The following GRIN2D variants were observed in gnomAD, a reference collection of about 807,000 sequenced individuals.
GRIN2D encodes glutamate receptor ionotropic, NMDA 2D.
In GRIN2D, 37 loss-of-function variants were observed where a neutral mutation model predicts 103.2. The ratio of observed to expected loss-of-function variants is 0.36; its 90% CI spans 0.28 to 0.47. GRIN2D has a LOEUF of 0.47. Among genes scored for constraint, GRIN2D ranks in the 20% least tolerant of loss-of-function variants. The pLI is 1.00. For synonymous variants in GRIN2D, 845 were observed against 885.6 expected (o/e 0.95, Z 0.81); for missense variants, 1,557 against 1,910.6 (o/e 0.81, Z 3.45).
In GRIN2D at chr19:48,419,370, C is replaced by T. The variant is rs1970987428; in HGVS notation, c.1861+11C>T. 5 of 1,593,540 alleles carry T rather than the reference C, an allele frequency of 3.1e-6. No individual in the cohort carries two copies. The highest frequency in any genetic ancestry group is 4.3e-6 in the Non-Finnish European group (5 of 1,175,366). On this transcript the variant is annotated intron_variant, in intron 9 of 13. Transcript: ENST00000263269. ...TGGCCACGGGCAAGCGTGAGTCCCC[C>T]TTCCTCCATCCCCCGCCTCGGAGAT...
intron 11 of GRIN2D, among the ~76,000 whole-genome samples, chr19:48,440,366 G>A (rs1971277159): frequency 6.6e-6 from 1 of 152,020 alleles, no homozygotes; most frequent in Non-Finnish European, 1.5e-5. Flanking sequence ...GCCAAGGCGG[G>A]AAGATCACTT....
At chr19:48,411,389 C>T (rs929597133) in intron 4 of GRIN2D, among the ~76,000 whole-genome samples, 2 of 151,230 alleles carry the variant, frequency 1.3e-5, no homozygotes, top group Admixed American at 1.3e-4. Flanking sequence ...TGGTGGCTCA[C>T]GCCTGTAATC....
chr19:48,441,253 C>T (rs1259906283), intron 11 of GRIN2D, among the ~76,000 whole-genome samples: 1 of 150,446 alleles, frequency 6.6e-6, no homozygotes, highest in African/African-American at 2.5e-5. Context: ...ATCCCAGCTA[C>T]TTGGGAGGCT....
chr19:48,404,064 A>AC (rs1970750123), intron 3 of GRIN2D, among the ~76,000 whole-genome samples: 3 of 152,160 alleles, frequency 2.0e-5, no homozygotes, highest in African/African-American at 7.2e-5. Flanking sequence ...ACATGGAGAA[A>AC]ACCCGTCTCT....
intron 8 of GRIN2D, among the ~76,000 whole-genome samples, chr19:48,419,028 GTTTT>G (rs1174896124): frequency 6.6e-6 from 1 of 151,306 alleles, no homozygotes; most frequent in Non-Finnish European, 1.5e-5. Flanking sequence ...GTACCCTAGG[GTTTT>G]TTTTCTTTCT....
At chr19:48,430,977 G>A (rs572518442) in intron 11 of GRIN2D, among the ~76,000 whole-genome samples, 1 of 151,870 alleles carries the variant, frequency 6.6e-6, no homozygotes, top group East Asian at 1.9e-4. Context: ...GCACCACCAC[G>A]CCCAGCTAAT....
intron 3 of GRIN2D, among the ~76,000 whole-genome samples, chr19:48,403,808 C>G (rs1398531759): frequency 6.6e-6 from 1 of 152,214 alleles, no homozygotes; most frequent in East Asian, 1.9e-4. Flanking sequence ...TTCAGGGAAC[C>G]AGTCCCTCTC....
chr19:48,410,685 A>C (rs1002507727), intron 4 of GRIN2D, among the ~76,000 whole-genome samples: 3 of 152,036 alleles, frequency 2.0e-5, no homozygotes, highest in African/African-American at 7.2e-5. Context: ...GGGTATAGAA[A>C]GACGCCTCTG....
chr19:48,441,669 G>T, intron 11 of GRIN2D, 100 bp from the exon 12 acceptor site: 1 of 909,520 alleles, frequency 1.1e-6, no homozygotes, highest in Non-Finnish European at 1.7e-6. Flanking sequence ...GGCCAGTTAG[G>T]ATTTGGAGCA....
intron 11 of GRIN2D, among the ~76,000 whole-genome samples, chr19:48,422,829 C>T (rs1015737792): frequency 6.6e-5 from 10 of 152,086 alleles, no homozygotes; most frequent in Admixed American, 3.3e-4. Flanking sequence ...CAGTAGCTCA[C>T]GCCTATAATC....
chr19:48,402,488 C>T (rs933503197), intron 3 of GRIN2D, among the ~76,000 whole-genome samples: 23 of 151,806 alleles, frequency 1.5e-4, no homozygotes, highest in African/African-American at 3.9e-4. Context: ...GAGGCCGAGG[C>T]GGGTGGATCA....
chr19:48,429,906 C>T (rs2147464948), intron 11 of GRIN2D, among the ~76,000 whole-genome samples: 3 of 152,214 alleles, frequency 2.0e-5, no homozygotes, highest in Middle Eastern at 6.8e-3. Context: ...TTTCTCTCAG[C>T]CCAGAGGAAT....
At chr19:48,399,257 A>C (rs139398337) in intron 3 of GRIN2D, among the ~76,000 whole-genome samples, 1,918 of 152,296 alleles carry the variant, frequency 0.013, 45 homozygotes, top group African/African-American at 0.044. Context: ...GGATCAGCAC[A>C]GGAAGAAGTC....
chr19:48,442,734 G>A lies in GRIN2D; in HGVS notation c.2808G>A (p.Glu936=). ...GGCCCGCACCTTTCGTGCCCCGCGA[G>A]CGCGCCTCAGTGGACCGCTGGCGCC... ...APGPAPFVPR[E]RASVDRWRRT... Residue 936 remains glutamate, a synonymous_variant, in exon 14 of 14, where the codon GAG becomes GAA. Transcript: ENST00000263269. This position sits in a 1 kb window ranked among gnomAD's most constrained non-coding sequence, Gnocchi z 7.2. 6 of 1,108,252 alleles carry A rather than the reference G, an allele frequency of 5.4e-6. No homozygotes were observed. Among genetic ancestry groups the A allele is most frequent in the Admixed American group, 5.0e-5 (1 of 20,066 alleles). 68.7% of individuals were successfully genotyped at this position (1,108,252 alleles called of 1,614,324 possible). A position where few individuals can be genotyped will look rare whatever the true frequency, so the allele number is the denominator to read the frequency against.
chr19:48,414,326 C>G lies in GRIN2D; in HGVS notation c.1201-47C>G, dbSNP rs1411030091. The G allele has an allele frequency of 2.0e-6, 3 of 1,463,964 alleles. No individual in the cohort carries two copies. The highest frequency in any genetic ancestry group is 2.8e-6 in the Non-Finnish European group (3 of 1,071,272). The allele number at this position is 1,463,964 out of a possible 1,614,324, so 90.7% of individuals were successfully genotyped here. On this transcript the variant is annotated intron_variant, in intron 5 of 13. Coordinates refer to ENST00000263269, the MANE Select transcript of GRIN2D (RefSeq NM_000836.4). This position sits in a 1 kb window ranked among gnomAD's most constrained non-coding sequence, Gnocchi z 4.6. ...AGAGGATCATGGAGGCCAGGATACA[C>G]CGGGAAGTCTTCCCAGGAAGCCTGA...
chr19:48,414,960 C>T lies in GRIN2D; in HGVS notation c.1509C>T (p.Tyr503=), dbSNP rs1422175051. 1.9e-6 allele frequency: 3 copies of T among 1,613,644 alleles called. No homozygotes were observed. The highest frequency in any genetic ancestry group is 1.7e-5 in the Admixed American group (1 of 59,900). The change falls in exon 7 of 14, where the codon TAC becomes TAT. Residue 503 remains tyrosine, a synonymous_variant. Transcript: ENST00000263269. The surrounding 1 kb of genome is among the most constrained non-coding windows in gnomAD (Gnocchi z 4.6). The part of the protein sequence containing the change: ...KRLAHTIGFS[Y]DLYLVTNGKH... ...TGGCGCATACCATCGGCTTCAGCTA[C>T]GACCTCTACCTGGTCACCAATGGCA...
At chr19:48,404,419 G>C (rs1159198657) in intron 3 of GRIN2D, among the ~76,000 whole-genome samples, 1 of 152,204 alleles carries the variant, frequency 6.6e-6, no homozygotes, top group East Asian at 1.9e-4. Context: ...CTTGAACCCA[G>C]GAGGCGGAGG....
Position 48,442,295 on chromosome 19 carries a change from C to T in GRIN2D, c.2586C>T (p.Val862=). Residue 862 remains valine, a synonymous_variant, in exon 13 of 14, where the codon GTC becomes GTT. Coordinates refer to ENST00000263269, the MANE Select transcript of GRIN2D (RefSeq NM_000836.4). The surrounding 1 kb of genome is among the most constrained non-coding windows in gnomAD (Gnocchi z 7.2). The stretch of plus-strand genomic sequence containing the variant: ...TGGCCATGGGCCTGTCCCTGCTGGT[C>T]TTCGCCTGGGAGCACCTGGTGTACT... ...LLVAMGLSLL[V]FAWEHLVYWR... 1 of 1,614,138 alleles carries T rather than the reference C, an allele frequency of 6.2e-7. No individual in the cohort carries two copies. Among genetic ancestry groups the T allele is most frequent in the Non-Finnish European group, 8.5e-7 (1 of 1,180,020 alleles).
chr19:48,405,303 C>T lies in GRIN2D; in HGVS notation c.1035C>T (p.Gly345=). ...ATTATGGTTTCCTTCCTGAGCTCGG[C>T]CACGACTGTCGCGCCCAGAACCGCA... The part of the protein sequence containing the change: ...LRDYGFLPEL[G]HDCRAQNRTH... Residue 345 remains glycine, a synonymous_variant, in exon 4 of 14, where the codon GGC becomes GGT. Transcript: ENST00000263269. The surrounding 1 kb of genome is among the most constrained non-coding windows in gnomAD (Gnocchi z 5.1). 1 of 1,601,464 alleles carries T rather than the reference C, an allele frequency of 6.2e-7. No individual in the cohort carries two copies. Among genetic ancestry groups the T allele is most frequent in the Middle Eastern group, 1.7e-4 (1 of 5,956 alleles).
Sources: allele counts gnomAD v4.1 joint callset (sites outside exome capture counted in the v4.1 genomes callset), GRCh38; gene constraint gnomAD v4.1.1; non-coding constraint Gnocchi (gnomAD v3.1); transcripts MANE v1.5; gene names NCBI Gene and HGNC (gene_info 2026-07-23, HGNC 2026-07-21).